DLGAP2: variants seen among roughly 807,000 people sequenced by gnomAD.
DLGAP2 encodes disks large-associated protein 2.
A neutral mutation model predicts 100.3 loss-of-function variants in DLGAP2; 26 were observed. The observed-to-expected ratio is 0.26, with a 90% CI of 0.19 to 0.36. DLGAP2 has a LOEUF of 0.36. DLGAP2 is among the 10% of genes least tolerant of loss of function. The pLI, the probability that DLGAP2 is intolerant of heterozygous loss-of-function variation, is 1.00. For missense variants in DLGAP2, 1,858 were observed against 1,453.2 expected, an observed-to-expected ratio of 1.28 and a Z score of -4.53; for synonymous variants, 886 against 630.1, an observed-to-expected ratio of 1.41 and a Z score of -6.08.
chr8:933,569 G>A (rs1189179898), intron 2 of DLGAP2, among the ~76,000 whole-genome samples: 13 of 106,350 alleles, frequency 1.2e-4, no homozygotes, highest in East Asian at 5.7e-4. Flanking sequence ...AGAGCCTGCT[G>A]TGGAGACATC....
At chr8:1,206,723 T>G (rs78791773) in intron 2 of DLGAP2, among the ~76,000 whole-genome samples, 1 of 36,266 alleles carries the variant, frequency 2.8e-5, no homozygotes, top group Non-Finnish European at 4.2e-5. Context: ...GCACAGTCCT[T>G]AGCTGCGTCC....
intron 1 of DLGAP2, among the ~76,000 whole-genome samples, chr8:765,850 C>T (rs1821199452): frequency 6.6e-6 from 1 of 152,128 alleles, no homozygotes; most frequent in African/African-American, 2.4e-5. Flanking sequence ...CACACACATG[C>T]AACCACACAC....
intron 2 of DLGAP2, among the ~76,000 whole-genome samples, chr8:936,285 C>G (rs1799069708): frequency 6.6e-6 from 1 of 152,128 alleles, no homozygotes; most frequent in Non-Finnish European, 1.5e-5. Context: ...CAAGGGGGCT[C>G]TATTTGAAGG....
At chr8:1,523,645 T>G (rs1800688478) in intron 4 of DLGAP2, among the ~76,000 whole-genome samples, 1 of 152,192 alleles carries the variant, frequency 6.6e-6, no homozygotes, top group Non-Finnish European at 1.5e-5. Flanking sequence ...TGGTGGTCCA[T>G]AAACATACCC....
chr8:1,424,388 C>A (rs993043870), intron 3 of DLGAP2, among the ~76,000 whole-genome samples: 1 of 152,144 alleles, frequency 6.6e-6, no homozygotes, highest in African/African-American at 2.4e-5. Flanking sequence ...TTGGCCAGAG[C>A]ATACTGATAT....
At chr8:1,412,470 G>A (rs1440157972) in intron 3 of DLGAP2, among the ~76,000 whole-genome samples, 1 of 152,196 alleles carries the variant, frequency 6.6e-6, no homozygotes, top group African/African-American at 2.4e-5. Flanking sequence ...CGAATTCAGT[G>A]CTGAAATATC....
At chr8:1,525,434 C>T (rs771158388) in intron 4 of DLGAP2, among the ~76,000 whole-genome samples, 14 of 152,026 alleles carry the variant, frequency 9.2e-5, no homozygotes, top group Non-Finnish European at 1.8e-4. Flanking sequence ...TTCTGAGCTG[C>T]GCAGTTATTG....
At chr8:1,288,658 A>AGGG (rs1246717369) in intron 3 of DLGAP2, among the ~76,000 whole-genome samples, 1 of 128,844 alleles carries the variant, frequency 7.8e-6, no homozygotes, top group South Asian at 2.7e-4. Flanking sequence ...CGTAGTTAGG[A>AGGG]GGGGAACTTG....
At chr8:1,357,714 T>C (rs1363456068) in intron 3 of DLGAP2, among the ~76,000 whole-genome samples, 2 of 152,226 alleles carry the variant, frequency 1.3e-5, no homozygotes, top group Non-Finnish European at 2.9e-5. Context: ...CTTGCTGCGA[T>C]ACGCAGCACC....
chr8:936,026 C>G (rs943692721), intron 2 of DLGAP2, among the ~76,000 whole-genome samples: 1 of 152,168 alleles, frequency 6.6e-6, no homozygotes, highest in Admixed American at 6.5e-5. Flanking sequence ...GAGGACCCTG[C>G]CCAGTGGGAC....
At chr8:794,990 T>G (rs1044279260) in intron 1 of DLGAP2, among the ~76,000 whole-genome samples, 2 of 152,222 alleles carry the variant, frequency 1.3e-5, no homozygotes, top group Non-Finnish European at 2.9e-5. Context: ...TGATAGGGAC[T>G]TCCCTGTTTT....
At chr8:1,194,629 C>T (rs929954515) in intron 2 of DLGAP2, among the ~76,000 whole-genome samples, 14 of 152,190 alleles carry the variant, frequency 9.2e-5, no homozygotes, top group African/African-American at 3.4e-4. Flanking sequence ...GAAGCCGAGT[C>T]CTTGCTATAG....
At chr8:1,327,622 A>G (rs1490883356) in intron 3 of DLGAP2, among the ~76,000 whole-genome samples, 1 of 152,190 alleles carries the variant, frequency 6.6e-6, no homozygotes, top group Non-Finnish European at 1.5e-5. Context: ...AGGCAGGTGG[A>G]TCACGAGGTC....
chr8:772,465 G>A (rs1209475888), intron 1 of DLGAP2, among the ~76,000 whole-genome samples: 1 of 152,066 alleles, frequency 6.6e-6, no homozygotes, highest in Non-Finnish European at 1.5e-5. Flanking sequence ...TGGGACTACA[G>A]GCACACACCA....
intron 3 of DLGAP2, among the ~76,000 whole-genome samples, chr8:1,488,841 T>C (rs1799297001): frequency 6.6e-6 from 1 of 152,188 alleles, no homozygotes; most frequent in Non-Finnish European, 1.5e-5. Context: ...AGGCTGACTC[T>C]TGTCCTGCAG....
intron 4 of DLGAP2, among the ~76,000 whole-genome samples, chr8:1,516,525 C>G (rs1046681380): frequency 7.3e-4 from 69 of 95,000 alleles, no homozygotes; most frequent in African/African-American, 1.9e-3. Flanking sequence ...ATGAATCAGT[C>G]AGTGAGTGAG....
chr8:1,485,836 C>A (rs1000110429), intron 3 of DLGAP2, among the ~76,000 whole-genome samples: 7 of 152,098 alleles, frequency 4.6e-5, no homozygotes, highest in African/African-American at 1.7e-4. Context: ...AACAGCCTGG[C>A]CAACATGGCG....
At position 1,110,712 on chromosome 8, in the gene DLGAP2, G is replaced by C. The variant is rs914713852; in HGVS notation, c.74-148139G>C. 2.4e-5 allele frequency among the ~76,000 whole-genome samples: 3 copies of C among 125,832 alleles called. No individual in the cohort carries two copies. The South Asian group carries it at 8.1e-4, about 34-fold the overall frequency. The allele number at this position is 125,832 out of a possible 152,430, so 82.6% of individuals were successfully genotyped here. ...TTTCCATTTTCAGGGAAGATTTATA[G>C]CCTTTTTTTTTTTTTTTTTTGAGAG... is the stretch of plus-strand genomic sequence containing the variant. On this transcript the variant is annotated intron_variant, in intron 2 of 14. Coordinates refer to ENST00000637795, the MANE Select transcript of DLGAP2 (RefSeq NM_001346810.2).
intron 6 of DLGAP2, among the ~76,000 whole-genome samples, chr8:1,608,894 A>G (rs1796908416): frequency 6.6e-6 from 1 of 151,892 alleles, no homozygotes; most frequent in Admixed American, 6.6e-5. Context: ...ACTATGTGAA[A>G]AGACCAAATC....
Sources: gnomAD v4.1 joint callset for allele counts (sites outside exome capture counted in the v4.1 genomes callset) on GRCh38, gnomAD v4.1.1 for gene constraint, MANE v1.5 for transcripts, NCBI Gene and HGNC (gene_info 2026-07-23, HGNC 2026-07-21) for gene names.